The following GALNT18 variants were observed in gnomAD, a reference collection of about 807,000 sequenced individuals.
GALNT18 encodes polypeptide N-acetylgalactosaminyltransferase 18, also known as GalNAc-transferase 18.
In GALNT18, 44 loss-of-function variants were observed where a neutral mutation model predicts 69.5. The ratio of observed to expected loss-of-function variants is 0.63; its 90% CI spans 0.50 to 0.81. The LOEUF is 0.81. Among genes scored for constraint, GALNT18 ranks in the 40% least tolerant of loss-of-function variants. GALNT18 has a pLI of 0.00. For synonymous variants in GALNT18, 364 were observed against 318.2 expected, an observed-to-expected ratio of 1.14 and a Z score of -1.53; for missense variants, 715 against 810.0, an observed-to-expected ratio of 0.88 and a Z score of 1.42.
Position 11,619,084 on chromosome 11 carries a change from A to G in GALNT18, c.235+2275T>C, listed in dbSNP as rs1169721352. Among the ~76,000 whole-genome samples the G allele has an allele frequency of 2.0e-5, 3 of 152,062 alleles. No homozygotes were observed. The South Asian group carries it at 6.2e-4, about 32-fold the overall frequency. ...AGGATGGCCCCAGCATGGCAAAGGG[A>G]ACTGTTGGTCATTGCTACACCATCA... On this transcript the variant is annotated intron_variant, in intron 1 of 10. Transcript: ENST00000227756. This position sits in a 1 kb window ranked among gnomAD's most constrained non-coding sequence, Gnocchi z 4.9.
rs1314091765 is a variant in GALNT18 at position 11,387,628 on chromosome 11, C to T, written c.596-8364G>A. Among the ~76,000 whole-genome samples, 2 of 152,234 alleles carry T rather than the reference C, an allele frequency of 1.3e-5. No individual in the cohort carries two copies. Among genetic ancestry groups the T allele is most frequent in the East Asian group, 1.9e-4 (1 of 5,202 alleles). ...ATTTAGGGCCATTGAAACACAAATG[C>T]TATGTCAACACATTTTAAAGGAGAG... On this transcript the variant is annotated intron_variant, in intron 3 of 10. Transcript: ENST00000227756. The surrounding 1 kb of genome is among the most constrained non-coding windows in gnomAD (Gnocchi z 4.6).
At chr11:11,530,140 G>A (rs1441040127) in intron 1 of GALNT18, among the ~76,000 whole-genome samples, 1 of 152,170 alleles carries the variant, frequency 6.6e-6, no homozygotes. Flanking sequence ...GATGCCTCTA[G>A]TAAGGAGGCC....
Position 11,565,385 on chromosome 11 carries a change from G to T in GALNT18, c.235+55974C>A, listed in dbSNP as rs538562895. 3.3e-5 allele frequency among the ~76,000 whole-genome samples: 5 copies of T among 152,302 alleles called. No homozygotes were observed. In the South Asian group the frequency reaches 1.0e-3, roughly 32 times the overall value. On this transcript the variant is annotated intron_variant, in intron 1 of 10. Coordinates refer to ENST00000227756, the MANE Select transcript of GALNT18 (RefSeq NM_198516.3). ...TGGCGGTGGCAGAGGAGCAGTGGTGGGAAGGGTTCTGGTATGCCTGTGGCT... is the reference window on the plus strand; with the variant it reads ...TGGCGGTGGCAGAGGAGCAGTGGTGTGAAGGGTTCTGGTATGCCTGTGGCT...
intron 9 of GALNT18, among the ~76,000 whole-genome samples, chr11:11,305,107 A>G (rs1473007485): frequency 6.6e-6 from 1 of 152,228 alleles, no homozygotes; most frequent in Non-Finnish European, 1.5e-5. Flanking sequence ...GAGGCTGGAA[A>G]GATGGTGACC....
At chr11:11,458,332 C>A (rs184361925) in intron 1 of GALNT18, among the ~76,000 whole-genome samples, 3 of 152,262 alleles carry the variant, frequency 2.0e-5, no homozygotes, top group African/African-American at 7.2e-5. Context: ...ATTTTAAAAG[C>A]GGCTTTATTG....
At chr11:11,334,253 A>G (rs116860983) in intron 7 of GALNT18, among the ~76,000 whole-genome samples, 1 of 152,086 alleles carries the variant, frequency 6.6e-6, no homozygotes, top group East Asian at 1.9e-4. Flanking sequence ...GTGAAAACAC[A>G]ATTTAGGGGC....
rs1859722380 is a variant in GALNT18, at chr11:11,605,292, G to A, written c.235+16067C>T. Among the ~76,000 whole-genome samples the A allele has an allele frequency of 6.6e-6, 1 of 152,104 alleles. No homozygotes were observed. The highest frequency in any genetic ancestry group is 2.4e-5 in the African/African-American group (1 of 41,420). ...CCAGGCTGCCCACCTTGACACCTGG[G>A]CCATCTCCTCAAGGGATTTCCACAG... On this transcript the variant is annotated intron_variant, in intron 1 of 10. Coordinates refer to ENST00000227756, the MANE Select transcript of GALNT18 (RefSeq NM_198516.3). The surrounding 1 kb of genome is among the most constrained non-coding windows in gnomAD (Gnocchi z 4.7).
At chr11:11,335,769 T>C (rs1222681327) in intron 7 of GALNT18, among the ~76,000 whole-genome samples, 2 of 152,152 alleles carry the variant, frequency 1.3e-5, no homozygotes, top group African/African-American at 4.8e-5. Context: ...GAGAAGGCCA[T>C]GTGAAGACAG....
At chr11:11,381,839 C>A (rs1249564106) in intron 3 of GALNT18, among the ~76,000 whole-genome samples, 1 of 152,144 alleles carries the variant, frequency 6.6e-6, no homozygotes, top group Non-Finnish European at 1.5e-5. Flanking sequence ...GTGATCCCAG[C>A]CTTTATTGCA....
chr11:11,301,763 G>A (rs535967423), intron 9 of GALNT18, among the ~76,000 whole-genome samples: 34 of 152,268 alleles, frequency 2.2e-4, no homozygotes, highest in African/African-American at 6.3e-4. Flanking sequence ...TTTGCCTCTC[G>A]GGTGCCAGGG....
At chr11:11,490,483 G>T (rs979861252) in intron 1 of GALNT18, among the ~76,000 whole-genome samples, 1 of 152,158 alleles carries the variant, frequency 6.6e-6, no homozygotes, top group African/African-American at 2.4e-5. Context: ...TCTATGTAAT[G>T]TGTATGCAGT....
At position 11,598,011 on chromosome 11, in the gene GALNT18, A is replaced by G. The variant is rs935268473; in HGVS notation, c.235+23348T>C. ...TGTCAGTCTATCTAAAGTTCTGTCC[A>G]TTTTATTGACCTTTTCAAAGAACCA... is the stretch of plus-strand genomic sequence containing the variant. On this transcript the variant is annotated intron_variant, in intron 1 of 10. Coordinates refer to ENST00000227756, the MANE Select transcript of GALNT18 (RefSeq NM_198516.3). The surrounding 1 kb of genome is among the most constrained non-coding windows in gnomAD (Gnocchi z 4.8). 1.3e-5 allele frequency among the ~76,000 whole-genome samples: 2 copies of G among 152,080 alleles called. No individual in the cohort carries two copies. Among genetic ancestry groups the G allele is most frequent in the Non-Finnish European group, 2.9e-5 (2 of 68,028 alleles).
chr11:11,424,339 G>A (rs1214393472), intron 3 of GALNT18, among the ~76,000 whole-genome samples: 1 of 152,168 alleles, frequency 6.6e-6, no homozygotes, highest in Non-Finnish European at 1.5e-5. Flanking sequence ...GAGTGGGAGA[G>A]TAGAGGAGAT....
chr11:11,278,526 A>T (rs904049913), intron 10 of GALNT18, among the ~76,000 whole-genome samples: 8 of 152,068 alleles, frequency 5.3e-5, no homozygotes, highest in African/African-American at 1.9e-4. Flanking sequence ...AAAAAGGGAG[A>T]TTGTTATTTG....
At chr11:11,547,767 C>T (rs1322270359) in intron 1 of GALNT18, among the ~76,000 whole-genome samples, 1 of 152,202 alleles carries the variant, frequency 6.6e-6, no homozygotes, top group Non-Finnish European at 1.5e-5. Flanking sequence ...TAGATCTGAT[C>T]CTATCCCTTC....
intron 1 of GALNT18, among the ~76,000 whole-genome samples, chr11:11,482,530 G>A (rs1248821216): frequency 1.3e-5 from 2 of 152,212 alleles, no homozygotes; most frequent in Non-Finnish European, 2.9e-5. Flanking sequence ...CCTCTCCCAG[G>A]AGCAAGACCC....
At chr11:11,425,011 G>T (rs1340091426) in intron 3 of GALNT18, among the ~76,000 whole-genome samples, 1 of 152,128 alleles carries the variant, frequency 6.6e-6, no homozygotes, top group Non-Finnish European at 1.5e-5. Flanking sequence ...GAAGACCCAG[G>T]GCCCTAGCTC....
At chr11:11,544,119 T>G (rs942169989) in intron 1 of GALNT18, among the ~76,000 whole-genome samples, 5 of 152,200 alleles carry the variant, frequency 3.3e-5, no homozygotes, top group Non-Finnish European at 7.3e-5. Flanking sequence ...GACCCCTGGA[T>G]GCCATAGGTG....
In GALNT18 at chr11:11,613,554, T is replaced by C. The variant is rs1189842145; in HGVS notation, c.235+7805A>G. Among the ~76,000 whole-genome samples the C allele has an allele frequency of 2.0e-5, 3 of 152,330 alleles. No individual in the cohort carries two copies. The highest frequency in any genetic ancestry group is 3.9e-4 in the East Asian group (2 of 5,178). ...GCCCTGCCCTAGGGCACATGCCTTG[T>C]ATGTAGGCCTATGTGTGAGGAAGGG... On this transcript the variant is annotated intron_variant, in intron 1 of 10. Coordinates refer to ENST00000227756, the MANE Select transcript of GALNT18 (RefSeq NM_198516.3). This position sits in a 1 kb window ranked among gnomAD's most constrained non-coding sequence, Gnocchi z 4.2.
Sources: gnomAD v4.1 joint callset for allele counts (sites outside exome capture counted in the v4.1 genomes callset) on GRCh38, gnomAD v4.1.1 for gene constraint, Gnocchi (gnomAD v3.1) non-coding constraint, MANE v1.5 for transcripts, NCBI Gene and HGNC (gene_info 2026-07-23, HGNC 2026-07-21) for gene names.